The following SF3A3 variants were observed in gnomAD, a reference collection of about 807,000 sequenced individuals.
SF3A3 encodes the protein SAP 61.
In SF3A3, 9 loss-of-function variants were observed where a neutral mutation model predicts 85.8. The observed-to-expected ratio is 0.10, with a 90% CI of 0.06 to 0.18. The LOEUF is 0.18. Ranked by LOEUF, SF3A3 falls within the 10% of genes least tolerant of loss-of-function variation. SF3A3 has a pLI of 1.00. For missense variants in SF3A3, 306 were observed against 593.3 expected (o/e 0.52, Z 5.03); for synonymous variants, 195 against 204.4 (o/e 0.95, Z 0.39).
At chr1:37,961,541 AC>A (rs1646258148) in intron 15 of SF3A3, among the ~76,000 whole-genome samples, 2 of 151,092 alleles carry the variant, frequency 1.3e-5, no homozygotes, top group African/African-American at 4.9e-5. Context: ...CCGAGATAAC[AC>A]CACTGCACTC....
chr1:37,958,969 T>TTCCTCAAAGGAGGAATTAGATC (rs1418380475), intron 16 of SF3A3, among the ~76,000 whole-genome samples: 1 of 152,210 alleles, frequency 6.6e-6, no homozygotes, highest in Non-Finnish European at 1.5e-5. Flanking sequence ...ATTAGATGCT[T>TTCCTCAAAGGAGGAATTAGATC]TCCTCAAAGG....
chr1:37,960,532 A>G (rs1443930720), intron 15 of SF3A3: 3 of 226,328 alleles, frequency 1.3e-5, no homozygotes, highest in Admixed American at 5.2e-5. Flanking sequence ...TAATAGTTCA[A>G]TAACAATCTC....
chr1:37,989,684 T>C (rs1443669030), intron 1 of SF3A3, 89 bp from the exon 2 acceptor site: 3 of 1,489,696 alleles, frequency 2.0e-6, no homozygotes, highest in Non-Finnish European at 2.8e-6. Flanking sequence ...CCGCTCAGCT[T>C]TTACCAGCTG....
At chr1:37,977,235 G>A (rs1424678438) in intron 11 of SF3A3, among the ~76,000 whole-genome samples, 1 of 152,244 alleles carries the variant, frequency 6.6e-6, no homozygotes, top group East Asian at 1.9e-4. Context: ...AGGAAATGTG[G>A]TATATAAGAG....
At chr1:37,962,113 AAAC>A (rs1390641179) in intron 15 of SF3A3, among the ~76,000 whole-genome samples, 14 of 146,864 alleles carry the variant, frequency 9.5e-5, no homozygotes, top group East Asian at 2.0e-4. Context: ...AAAACAAAAC[AAAC>A]AAAAAAAAAC....
At position 37,989,979 on chromosome 1, in the gene SF3A3, C is replaced by A. The variant is rs758193945; in HGVS notation, c.-14G>T. 5.1e-5 allele frequency: 81 copies of A among 1,600,358 alleles called. No homozygotes were observed. The highest frequency in any genetic ancestry group is 6.8e-5 in the Non-Finnish European group (80 of 1,172,694). ...TATTGTCTCCATCTTCCCTTAGTCG[C>A]GGCTTCTCAATTCAGACCACCAACA... On this transcript the variant is annotated 5_prime_UTR_variant, in exon 1 of 17. Coordinates refer to ENST00000373019, the MANE Select transcript of SF3A3 (RefSeq NM_006802.4).
At chr1:37,963,071 G>A (rs1344426471) in intron 15 of SF3A3, among the ~76,000 whole-genome samples, 3 of 149,820 alleles carry the variant, frequency 2.0e-5, no homozygotes, top group Non-Finnish European at 3.0e-5. Context: ...CTGAGCAACA[G>A]AGCGAGACTC....
At chr1:37,973,400 A>G (rs1350479958) in intron 12 of SF3A3, among the ~76,000 whole-genome samples, 1 of 152,214 alleles carries the variant, frequency 6.6e-6, no homozygotes, top group Non-Finnish European at 1.5e-5. Context: ...CTACCATCAG[A>G]GTGAACAGGC....
intron 4 of SF3A3, among the ~76,000 whole-genome samples, chr1:37,986,105 T>C (rs927082105): frequency 3.3e-5 from 5 of 152,052 alleles, no homozygotes; most frequent in African/African-American, 1.2e-4. Flanking sequence ...TGCACCACCA[T>C]GCCCGGCTAA....
chr1:37,980,094 T>C (rs1646406783), intron 8 of SF3A3, among the ~76,000 whole-genome samples: 1 of 148,454 alleles, frequency 6.7e-6, no homozygotes, highest in Non-Finnish European at 1.5e-5. Context: ...CAAAGGCAAG[T>C]GGACCCTGGC....
At chr1:37,961,415 C>T (rs562783987) in intron 15 of SF3A3, among the ~76,000 whole-genome samples, 120 of 151,448 alleles carry the variant, frequency 7.9e-4, no homozygotes, top group African/African-American at 2.7e-3. Flanking sequence ...AAAAACCCCA[C>T]CTCTACTACA....
Position 37,957,375 on chromosome 1 carries a change from T to TTCC in SF3A3, c.*810_*811insGGA, listed in dbSNP as rs1646226577. The stretch of plus-strand genomic sequence containing the variant: ...CAGGCCCATTCCAACACAGCCCAAC[T>TTCC]CCCCCCCCCCCCCCTTTTTTTTTTT... On this transcript the variant is annotated 3_prime_UTR_variant, in exon 17 of 17. Coordinates refer to ENST00000373019, the MANE Select transcript of SF3A3 (RefSeq NM_006802.4). The TTCC allele has an allele frequency of 3.0e-5, 3 of 100,566 alleles. No individual in the cohort carries two copies. Among genetic ancestry groups the TTCC allele is most frequent in the Middle Eastern group, 5.7e-3 (1 of 174 alleles). 6.2% of individuals were successfully genotyped at this position (100,566 alleles called of 1,614,324 possible). A position where few individuals can be genotyped will look rare whatever the true frequency, so the allele number is the denominator to read the frequency against.
intron 15 of SF3A3, among the ~76,000 whole-genome samples, chr1:37,962,635 A>T (rs1016464136): frequency 3.3e-5 from 5 of 151,536 alleles, no homozygotes; most frequent in Non-Finnish European, 5.9e-5. Flanking sequence ...GAATATTAAT[A>T]AAGTGCGACC....
intron 15 of SF3A3, among the ~76,000 whole-genome samples, chr1:37,964,991 T>G (rs1646289210): frequency 6.6e-6 from 1 of 151,928 alleles, no homozygotes; most frequent in Non-Finnish European, 1.5e-5. Flanking sequence ...AAACCCCGTC[T>G]CTACTAAAAA....
chr1:37,969,319 T>C, intron 14 of SF3A3, 35 bp downstream of exon 14: 1 of 1,495,842 alleles, frequency 6.7e-7, no homozygotes, highest in Non-Finnish European at 9.3e-7. Flanking sequence ...TGTTTTTACT[T>C]CAATTCCCAG....
At chr1:37,964,046 G>A (rs1343688071) in intron 15 of SF3A3, among the ~76,000 whole-genome samples, 4 of 151,834 alleles carry the variant, frequency 2.6e-5, no homozygotes, top group South Asian at 2.1e-4. Context: ...GGGTGTGGTG[G>A]CGCACGCCTG....
intron 15 of SF3A3, among the ~76,000 whole-genome samples, chr1:37,962,204 G>A (rs1230301006): frequency 7.0e-6 from 1 of 143,700 alleles, no homozygotes; most frequent in East Asian, 2.1e-4. Context: ...TATGTGACAG[G>A]GCAGTACCCT....
intron 12 of SF3A3, among the ~76,000 whole-genome samples, chr1:37,974,786 C>T (rs146912556): frequency 1.1e-3 from 174 of 152,322 alleles, no homozygotes; most frequent in African/African-American, 4.1e-3. Context: ...AACTCTCTGA[C>T]AGAGTTTTCT....
chr1:37,981,054 G>C (rs1472799502), intron 7 of SF3A3, among the ~76,000 whole-genome samples: 1 of 151,726 alleles, frequency 6.6e-6, no homozygotes, highest in African/African-American at 2.4e-5. Flanking sequence ...TCTCCACGTT[G>C]GTCAGGCTGG....
Sources: gnomAD v4.1 joint callset for allele counts (sites outside exome capture counted in the v4.1 genomes callset) on GRCh38, gnomAD v4.1.1 for gene constraint, MANE v1.5 for transcripts, NCBI Gene and HGNC (gene_info 2026-07-23, HGNC 2026-07-21) for gene names.